NFATC1: variants seen among roughly 807,000 people sequenced by gnomAD.
NFATC1 encodes nuclear factor of activated T-cells, cytoplasmic 1.
A neutral mutation model predicts 76.0 loss-of-function variants in NFATC1; 22 were observed. The ratio of observed to expected loss-of-function variants is 0.29; its 90% CI spans 0.21 to 0.41. The LOEUF (loss-of-function observed/expected upper bound fraction) is 0.41, where lower values mean the gene tolerates loss of function less well. NFATC1 is among the 10% of genes least tolerant of loss of function. The probability of loss-of-function intolerance (pLI) is 1.00; values close to 1 mark genes in which losing one functional copy is unlikely to be tolerated. For synonymous variants in NFATC1, 704 were observed against 613.1 expected (o/e 1.15, Z -2.19); for missense variants, 1,357 against 1,337.7 (o/e 1.01, Z -0.23).
intron 9 of NFATC1, among the ~76,000 whole-genome samples, chr18:79,512,941 C>A (rs151213650): frequency 0.012 from 1,777 of 152,362 alleles, 42 homozygotes; most frequent in African/African-American, 0.041. Context: ...CCGCACCCCA[C>A]CCACACCAAA....
chr18:79,446,877 G>A (rs548404950), intron 3 of NFATC1, among the ~76,000 whole-genome samples: 12 of 152,310 alleles, frequency 7.9e-5, no homozygotes, highest in African/African-American at 2.9e-4. Flanking sequence ...GTGTTCCCAC[G>A]TGATGCCTTC....
At position 79,396,253 on chromosome 18, in the gene NFATC1, C is replaced by G. The variant is rs1476888078; in HGVS notation, c.29C>G (p.Ser10Cys). 8 of 1,496,632 alleles carry G rather than the reference C, an allele frequency of 5.3e-6. No individual in the cohort carries two copies. The highest frequency in any genetic ancestry group is 5.4e-6 in the Non-Finnish European group (6 of 1,115,996). 92.7% of individuals were successfully genotyped at this position (1,496,632 alleles called of 1,614,324 possible). A position where few individuals can be genotyped will look rare whatever the true frequency, so the allele number is the denominator to read the frequency against. Residue 10 changes from serine (S) to cysteine (C), a missense_variant, in exon 1 of 10, where the codon TCC (serine) becomes TGC (cysteine). Coordinates refer to ENST00000427363, the MANE Select transcript of NFATC1 (RefSeq NM_001278669.2). ...CCAAGCACCAGCTTTCCAGTCCCTT[C>G]CAAGTTTCCACTTGGCCCTGCGGCT... MPSTSFPVP[S>C]KFPLGPAAAV...
In NFATC1 at chr18:79,487,075, C is replaced by CCTGAT. The variant is rs1292049016; in HGVS notation, c.2782+139_2782+143dup. The CCTGAT allele has an allele frequency of 5.2e-5, 54 of 1,040,440 alleles. No homozygotes were observed. In the East Asian group the frequency reaches 1.5e-3, roughly 28 times the overall value. 64.5% of individuals were successfully genotyped at this position (1,040,440 alleles called of 1,614,324 possible). A position where few individuals can be genotyped will look rare whatever the true frequency, so the allele number is the denominator to read the frequency against. ...CCGGGCAGGGTGTGGGGTGCGTCCTCCTGATATAAAGTGCCCGTGCGGTGC... is the reference window on the plus strand; with the variant it reads ...CCGGGCAGGGTGTGGGGTGCGTCCTCCTGATCTGATATAAAGTGCCCGTGCGGTGC... On this transcript the variant is annotated intron_variant, in intron 9 of 9. Coordinates refer to ENST00000427363, the MANE Select transcript of NFATC1 (RefSeq NM_001278669.2).
At chr18:79,519,355 CAG>C (rs1453098002) in intron 9 of NFATC1, among the ~76,000 whole-genome samples, 2 of 152,038 alleles carry the variant, frequency 1.3e-5, no homozygotes, top group East Asian at 3.8e-4. Context: ...TTTCCTGAGA[CAG>C]GGTCTTGCTC....
chr18:79,475,422 A>G (rs2144990174), intron 8 of NFATC1, among the ~76,000 whole-genome samples: 6 of 147,456 alleles, frequency 4.1e-5, no homozygotes, highest in South Asian at 2.1e-4. Flanking sequence ...CGACGTTGTA[A>G]ACCCGAGGGA....
At chr18:79,517,936 T>TGTCCC (rs1156617151) in intron 9 of NFATC1, among the ~76,000 whole-genome samples, 10 of 152,268 alleles carry the variant, frequency 6.6e-5, no homozygotes, top group Non-Finnish European at 5.9e-5. Flanking sequence ...ACTTTTTAAC[T>TGTCCC]GCAAGGATTA....
chr18:79,488,692 C>T (rs1027618729), intron 9 of NFATC1, among the ~76,000 whole-genome samples: 20 of 152,204 alleles, frequency 1.3e-4, no homozygotes, highest in Non-Finnish European at 2.4e-4. Context: ...AGCCCCTGCG[C>T]GAGGTGGACG....
intron 9 of NFATC1, chr18:79,496,760 C>T (rs983869501): frequency 3.3e-5 from 5 of 152,258 alleles, no homozygotes; most frequent in African/African-American, 9.6e-5. Flanking sequence ...TCGTCCTGGA[C>T]GTGTAGCCTT....
intron 2 of NFATC1, among the ~76,000 whole-genome samples, chr18:79,423,703 C>T (rs903144600): frequency 2.6e-5 from 4 of 152,330 alleles, no homozygotes; most frequent in Admixed American, 1.3e-4. Context: ...CTGGGTGTCC[C>T]CATCTTTCTG....
intron 2 of NFATC1, among the ~76,000 whole-genome samples, chr18:79,430,102 C>T (rs956420136): frequency 8.5e-5 from 13 of 152,214 alleles, no homozygotes; most frequent in African/African-American, 2.7e-4. Context: ...GTTCCCACGA[C>T]GACAAAATGG....
intron 3 of NFATC1, among the ~76,000 whole-genome samples, chr18:79,445,968 C>A (rs1010383961): frequency 6.6e-6 from 1 of 152,214 alleles, no homozygotes; most frequent in African/African-American, 2.4e-5. Context: ...TAAAAACAAA[C>A]ATTGTAACGT....
At chr18:79,462,589 C>G (rs2088171672) in intron 7 of NFATC1, among the ~76,000 whole-genome samples, 1 of 152,248 alleles carries the variant, frequency 6.6e-6, no homozygotes, top group South Asian at 2.1e-4. Context: ...CAGGCATGAG[C>G]CACCGTGCCC....
Position 79,396,235 on chromosome 18 carries a change from C to G in NFATC1, c.11C>G (p.Thr4Ser). 6.7e-7 allele frequency: 1 copy of G among 1,494,050 alleles called. No individual in the cohort carries two copies. The highest frequency in any genetic ancestry group is 9.0e-7 in the Non-Finnish European group (1 of 1,114,788). The allele number at this position is 1,494,050 out of a possible 1,614,324, so 92.5% of individuals were successfully genotyped here. A position where few individuals can be genotyped will look rare whatever the true frequency, so the allele number is the denominator to read the frequency against. Reference protein sequence around the residue: MPSTSFPVPSKFPL... With the variant: MPSSSFPVPSKFPL... ...GCCGCCGCCGCGCGGATGCCAAGCACCAGCTTTCCAGTCCCTTCCAAGTTT... is the reference window on the plus strand; with the variant it reads ...GCCGCCGCCGCGCGGATGCCAAGCAGCAGCTTTCCAGTCCCTTCCAAGTTT... The change falls in exon 1 of 10, where the codon ACC (threonine) becomes AGC (serine). Residue 4 changes from threonine (T) to serine (S), a missense_variant. Thr to Ser is a moderately conservative substitution (Grantham distance 58). This residue lies in a region of NFATC1 where 691 missense variants were observed against 613.1 expected (regional missense o/e 1.13). Transcript: ENST00000427363.
chr18:79,416,811 T>C (rs2085892561), intron 2 of NFATC1, among the ~76,000 whole-genome samples: 1 of 152,180 alleles, frequency 6.6e-6, no homozygotes, highest in African/African-American at 2.4e-5. Flanking sequence ...CCGCTAACCC[T>C]TGCTGGGGAG....
At chr18:79,409,943 G>T in intron 1 of NFATC1, 1 of 490,262 alleles carries the variant, frequency 2.0e-6, no homozygotes, top group Non-Finnish European at 4.1e-6. Flanking sequence ...GATGGCCCAC[G>T]TGTTGAGTTT....
At chr18:79,466,521 GCGAA>G (rs1227464357) in intron 7 of NFATC1, among the ~76,000 whole-genome samples, 1 of 152,136 alleles carries the variant, frequency 6.6e-6, no homozygotes, top group Non-Finnish European at 1.5e-5. Flanking sequence ...CCCGACCTCT[GCGAA>G]CAGCGCCACA....
chr18:79,455,781 C>T (rs144189743), intron 6 of NFATC1, among the ~76,000 whole-genome samples: 1 of 15,142 alleles, frequency 6.6e-5, no homozygotes, highest in African/African-American at 1.8e-4. Context: ...CCCCATCCCA[C>T]GGCCGCCCCA....
chr18:79,447,136 GGTTT>G (rs1352785656), intron 3 of NFATC1, among the ~76,000 whole-genome samples: 3 of 152,232 alleles, frequency 2.0e-5, no homozygotes, highest in African/African-American at 7.2e-5. Context: ...CGGTGAGATT[GGTTT>G]GTTCTTTACT....
At chr18:79,473,142 C>T (rs1425967214) in intron 8 of NFATC1, among the ~76,000 whole-genome samples, 1 of 152,142 alleles carries the variant, frequency 6.6e-6, no homozygotes, top group Admixed American at 6.5e-5. Flanking sequence ...CACAGCGTGG[C>T]CTGCGCCACG....
Sources: gnomAD v4.1 joint callset for allele counts (sites outside exome capture counted in the v4.1 genomes callset) on GRCh38, gnomAD v4.1.1 for gene constraint, gnomAD v4.1.1 regional missense constraint, MANE v1.5 for transcripts, NCBI Gene and HGNC (gene_info 2026-07-23, HGNC 2026-07-21) for gene names.